Variants in DGKB observed in about 807,000 individuals in gnomAD.
The protein encoded by DGKB is 90 kDa diacylglycerol kinase.
Under a neutral mutation model 114.3 loss-of-function variants are expected in DGKB, and 67 were observed. The ratio of observed to expected loss-of-function variants is 0.59; its 90% CI spans 0.48 to 0.72. DGKB has a LOEUF of 0.72. Among genes scored for constraint, DGKB ranks in the 30% least tolerant of loss-of-function variants. The pLI is 0.00. For missense variants in DGKB, 907 were observed against 975.2 expected (o/e 0.93, Z 0.93); for synonymous variants, 398 against 323.1 (o/e 1.23, Z -2.49).
chr7:14,392,995 G>GTTTTTGTT, intron 21 of DGKB, among the ~76,000 whole-genome samples: 2 of 60,546 alleles, frequency 3.3e-5, no homozygotes, highest in Admixed American at 2.3e-4. Context: ...TTTTGTTTTT[G>GTTTTTGTT]TTTTTTTTTT....
intron 23 of DGKB, among the ~76,000 whole-genome samples, chr7:14,254,156 T>C (rs190375746): frequency 6.6e-6 from 1 of 152,324 alleles, no homozygotes; most frequent in East Asian, 1.9e-4. Flanking sequence ...GTAGCTTTTC[T>C]GAGGCTACAG....
intron 21 of DGKB, among the ~76,000 whole-genome samples, chr7:14,385,011 T>C (rs1490740160): frequency 6.6e-6 from 1 of 152,016 alleles, no homozygotes; most frequent in Admixed American, 6.6e-5. Flanking sequence ...GTAAAAATAA[T>C]TGTGGCATTC....
chr7:14,804,069 G>GT lies in DGKB; in HGVS notation c.70+37124_70+37125insA, dbSNP rs61384920. ...TTTCTTCACATTGACTTCACTTTTT[G>GT]GGTGTGTGTGTGTGTGTGTGTGTGT... On this transcript the variant is annotated intron_variant, in intron 2 of 25. Coordinates refer to ENST00000402815, the MANE Select transcript of DGKB (RefSeq NM_001350709.2). 2.4e-4 allele frequency among the ~76,000 whole-genome samples: 32 copies of GT among 131,944 alleles called. 3 individuals carry two copies. The highest frequency in any genetic ancestry group is 1.6e-3 in the Admixed American group (21 of 12,968). 86.6% of individuals were successfully genotyped at this position (131,944 alleles called of 152,430 possible).
chr7:14,362,326 T>C (rs1815905629), intron 21 of DGKB, among the ~76,000 whole-genome samples: 1 of 152,058 alleles, frequency 6.6e-6, no homozygotes, highest in African/African-American at 2.4e-5. Context: ...CTCTAAAAAT[T>C]TGGAATTTAA....
intron 25 of DGKB, among the ~76,000 whole-genome samples, chr7:14,153,677 C>T (rs191854802): frequency 6.2e-4 from 94 of 152,056 alleles, no homozygotes; most frequent in African/African-American, 2.0e-3. Flanking sequence ...TATCCCTGTC[C>T]TGCCTAGCTT....
chr7:14,179,490 T>C lies in DGKB; in HGVS notation c.2123-1339A>G, dbSNP rs147140480. 3.0e-3 allele frequency among the ~76,000 whole-genome samples: 464 copies of C among 152,300 alleles called. 2 individuals are homozygous for C. The highest frequency in any genetic ancestry group is 0.011 in the African/African-American group (449 of 41,572). ...AAAGCCATGTAATAGTTGGTCATAT[T>C]TGAGGTCGGACTCATAGAAAAACAA... On this transcript the variant is annotated intron_variant, in intron 23 of 25. Coordinates refer to ENST00000402815, the MANE Select transcript of DGKB (RefSeq NM_001350709.2).
chr7:14,352,157 T>C (rs1038979320), intron 21 of DGKB, among the ~76,000 whole-genome samples: 1 of 152,174 alleles, frequency 6.6e-6, no homozygotes, highest in African/African-American at 2.4e-5. Context: ...GACAGAATCA[T>C]ATGCTACTCC....
chr7:14,561,664 T>C (rs928877734), intron 20 of DGKB, among the ~76,000 whole-genome samples: 1 of 152,172 alleles, frequency 6.6e-6, no homozygotes, highest in Non-Finnish European at 1.5e-5. Context: ...TACAAAGAGA[T>C]TGGTGGCATT....
At position 14,354,924 on chromosome 7, in the gene DGKB, C is replaced by T. The variant is rs1018230068; in HGVS notation, c.1836-9533G>A. On this transcript the variant is annotated intron_variant, in intron 21 of 25. Transcript: ENST00000402815. ...GTGTCATGATTCAATTATGTTTCCC[C>T]ATTTGCCAAGATGAGAGTGAGACTC... 2.6e-5 allele frequency among the ~76,000 whole-genome samples: 4 copies of T among 152,212 alleles called. 1 individual carries two copies. The South Asian group carries it at 8.3e-4, about 32-fold the overall frequency.
At chr7:14,677,199 G>C (rs1301395194) in intron 12 of DGKB, among the ~76,000 whole-genome samples, 3 of 151,980 alleles carry the variant, frequency 2.0e-5, no homozygotes, top group Non-Finnish European at 4.4e-5. Context: ...TCTATGGATG[G>C]AGTTAGGAAG....
intron 2 of DGKB, among the ~76,000 whole-genome samples, chr7:14,825,159 C>T (rs1845529156): frequency 6.6e-6 from 1 of 150,572 alleles, no homozygotes; most frequent in African/African-American, 2.4e-5. Flanking sequence ...ATGCAATTGG[C>T]TTGAATTGAG....
intron 20 of DGKB, among the ~76,000 whole-genome samples, chr7:14,538,801 T>G (rs561744775): frequency 6.8e-4 from 103 of 152,222 alleles, no homozygotes; most frequent in African/African-American, 2.5e-3. Context: ...ATTCACCCTT[T>G]AAAAAGATGG....
chr7:14,830,389 C>CA (rs35436521), intron 2 of DGKB, among the ~76,000 whole-genome samples: 133,936 of 151,480 alleles, frequency 0.88, 59,515 homozygotes, highest in African/African-American at 0.97. Context: ...GCAGAAATTT[C>CA]AAAAAAAATA....
At chr7:14,852,496 A>AAAAAAAAAAAAAAAAAAAAAAAAAAAAAT (rs74765279) in intron 1 of DGKB, among the ~76,000 whole-genome samples, 1 of 149,018 alleles carries the variant, frequency 6.7e-6, no homozygotes, top group Non-Finnish European at 1.5e-5. Flanking sequence ...TCAAAAAAAA[A>AAAAAAAAAAAAAAAAAAAAAAAAAAAAAT]ACAGAAATCA....
At chr7:14,284,395 AC>A (rs1800488169) in intron 23 of DGKB, among the ~76,000 whole-genome samples, 1 of 144,142 alleles carries the variant, frequency 6.9e-6, no homozygotes, top group Non-Finnish European at 1.5e-5. Context: ...AAATAGGAAC[AC>A]TTTTACACTG....
At chr7:14,375,385 T>G (rs1432532388) in intron 21 of DGKB, among the ~76,000 whole-genome samples, 1 of 152,028 alleles carries the variant, frequency 6.6e-6, no homozygotes, top group Non-Finnish European at 1.5e-5. Flanking sequence ...TAAGAGGTAA[T>G]GAACATGTAC....
intron 20 of DGKB, among the ~76,000 whole-genome samples, chr7:14,539,276 A>G (rs1043832186): frequency 1.3e-5 from 2 of 152,238 alleles, no homozygotes; most frequent in East Asian, 1.9e-4. Context: ...AAATTTCATT[A>G]ATTATGTGTG....
At chr7:14,803,792 A>G (rs1475716722) in intron 2 of DGKB, among the ~76,000 whole-genome samples, 1 of 152,060 alleles carries the variant, frequency 6.6e-6, no homozygotes, top group Non-Finnish European at 1.5e-5. Flanking sequence ...AACTGTGTAT[A>G]CCATTTTTCA....
At chr7:14,295,905 G>C (rs958707834) in intron 23 of DGKB, among the ~76,000 whole-genome samples, 1 of 151,836 alleles carries the variant, frequency 6.6e-6, no homozygotes, top group African/African-American at 2.4e-5. Flanking sequence ...CCCTCCCTGT[G>C]ACCATATGTT....
Sources: allele counts gnomAD v4.1 joint callset (sites outside exome capture counted in the v4.1 genomes callset), GRCh38; gene constraint gnomAD v4.1.1; transcripts MANE v1.5; gene names NCBI Gene and HGNC (gene_info 2026-07-23, HGNC 2026-07-21).